Variants in STAM2 observed in about 807,000 individuals in gnomAD.
STAM2 encodes the protein signal transducing adaptor molecule 2, also known as signal transducing adapter molecule 2.
A neutral mutation model predicts 65.6 loss-of-function variants in STAM2; 51 were observed. The observed-to-expected ratio is 0.78, with a 90% confidence interval of 0.62 to 0.98. The LOEUF (loss-of-function observed/expected upper bound fraction) is 0.98, where lower values mean the gene tolerates loss of function less well. Among genes scored for constraint, STAM2 ranks in the 50% least tolerant of loss-of-function variants. The pLI, the probability that STAM2 is intolerant of heterozygous loss-of-function variation, is 0.00. For synonymous variants in STAM2, 198 were observed against 208.4 expected (o/e 0.95, Z 0.43); for missense variants, 584 against 617.8 (o/e 0.95, Z 0.58).
intron 1 of STAM2, among the ~76,000 whole-genome samples, chr2:152,162,345 GA>G (rs1202171336): frequency 6.6e-6 from 1 of 152,124 alleles, no homozygotes; most frequent in East Asian, 1.9e-4. Context: ...GCCAAGGCAG[GA>G]GGATCACTTG....
In STAM2 at chr2:152,149,850, T is replaced by G. The variant is rs1299164189; in HGVS notation, c.125+295A>C. Among the ~76,000 whole-genome samples the G allele has an allele frequency of 2.0e-5, 3 of 152,138 alleles. No homozygotes were observed. In the East Asian group the frequency reaches 5.8e-4, roughly 29 times the overall value. ...CCTCACCAATACCATAAACAGTAGA[T>G]GGACATATATTTTGTATATACATAA... On this transcript the variant is annotated intron_variant, in intron 2 of 13. Coordinates refer to ENST00000263904, the MANE Select transcript of STAM2 (RefSeq NM_005843.6).
intron 8 of STAM2, among the ~76,000 whole-genome samples, chr2:152,134,446 GTACTC>G (rs1029652554): frequency 2.6e-5 from 4 of 152,154 alleles, no homozygotes; most frequent in African/African-American, 4.8e-5. Context: ...TAATGGCAAA[GTACTC>G]TATATTCAAA....
intron 7 of STAM2, among the ~76,000 whole-genome samples, chr2:152,136,037 C>T (rs1394442353): frequency 1.3e-5 from 2 of 150,158 alleles, no homozygotes; most frequent in African/African-American, 2.5e-5. Context: ...TTGCAGTGAG[C>T]CAAGATGGCA....
chr2:152,136,218 G>A (rs1689151269), intron 7 of STAM2, among the ~76,000 whole-genome samples: 1 of 151,846 alleles, frequency 6.6e-6, no homozygotes, highest in African/African-American at 2.4e-5. Context: ...CGAGGCGAGT[G>A]GATCACCTGA....
chr2:152,126,286 G>A lies in STAM2; in HGVS notation c.1119C>T (p.Val373=), dbSNP rs771108878. 8 of 1,611,638 alleles carry A rather than the reference G, an allele frequency of 5.0e-6. No homozygotes were observed. In the East Asian group the frequency reaches 1.8e-4, roughly 36 times the overall value. The change falls in exon 12 of 14, where the codon GTC becomes GTT. Residue 373 remains valine (V), a synonymous_variant. Coordinates refer to ENST00000263904, the MANE Select transcript of STAM2 (RefSeq NM_005843.6). ...GTGCTGGAGGGTGGAGCTTTGAATA[G>A]ACTGAGTACACTGGTGCTTCATTCA... ...KLVNEAPVYS[V]YSKLHPPAHY... is the part of the protein sequence containing the mutation.
intron 11 of STAM2, 86 bp downstream of exon 11, chr2:152,132,028 C>A: frequency 1.0e-6 from 1 of 956,842 alleles, no homozygotes; most frequent in Non-Finnish European, 1.6e-6. Context: ...TACAGTTCCA[C>A]AAAAACTTTC....
Position 152,159,719 on chromosome 2 carries a change from CTCTCCCTCTCCCCACAG to C in STAM2, c.41-9507_41-9491del, listed in dbSNP as rs1689623647. Among the ~76,000 whole-genome samples, 3 of 151,992 alleles carry C rather than the reference CTCTCCCTCTCCCCACAG, an allele frequency of 2.0e-5. No individual in the cohort carries two copies. The South Asian group carries it at 6.2e-4, about 32-fold the overall frequency. ...AAAAGAACAGGATTGCTCCCTCTCC[CTCTCCCTCTCCCCACAG>C]TCTCCCTCTCCCTCTCTTTCCACGG... On this transcript the variant is annotated intron_variant, in intron 1 of 13. Transcript: ENST00000263904.
intron 1 of STAM2, among the ~76,000 whole-genome samples, chr2:152,158,167 A>G (rs1689587260): frequency 6.6e-6 from 1 of 152,228 alleles, no homozygotes; most frequent in Non-Finnish European, 1.5e-5. Context: ...GAAAAGTACA[A>G]TATCTCAATT....
intron 7 of STAM2, among the ~76,000 whole-genome samples, chr2:152,140,344 ACT>A (rs1432080853): frequency 1.3e-5 from 2 of 152,142 alleles, no homozygotes; most frequent in African/African-American, 4.8e-5. Flanking sequence ...CAAACAAAAA[ACT>A]CTGCACTCTG....
chr2:152,170,867 G>A (rs931959767), intron 1 of STAM2, among the ~76,000 whole-genome samples: 11 of 152,052 alleles, frequency 7.2e-5, no homozygotes, highest in South Asian at 6.2e-4. Context: ...ATGGTGGTGC[G>A]CACCTGTAAC....
At chr2:152,162,896 G>A (rs1254513046) in intron 1 of STAM2, among the ~76,000 whole-genome samples, 2 of 151,966 alleles carry the variant, frequency 1.3e-5, no homozygotes. Context: ...CTGACCTCAG[G>A]TGATCTGCCC....
At chr2:152,136,839 T>C (rs1253380017) in intron 7 of STAM2, among the ~76,000 whole-genome samples, 1 of 152,110 alleles carries the variant, frequency 6.6e-6, no homozygotes, top group Non-Finnish European at 1.5e-5. Context: ...ACAATTTCTC[T>C]GCGCTTATTC....
At chr2:152,165,961 G>A (rs968577817) in intron 1 of STAM2, among the ~76,000 whole-genome samples, 10 of 152,150 alleles carry the variant, frequency 6.6e-5, no homozygotes, top group Non-Finnish European at 1.2e-4. Context: ...CCAGCACTGC[G>A]GGAGGTCAAG....
At chr2:152,167,775 T>G (rs1382028080) in intron 1 of STAM2, among the ~76,000 whole-genome samples, 1 of 151,868 alleles carries the variant, frequency 6.6e-6, no homozygotes, top group East Asian at 1.9e-4. Context: ...CCAGGCATGG[T>G]GGTGGGTGCC....
chr2:152,131,770 G>T, intron 11 of STAM2: 1 of 249,154 alleles, frequency 4.0e-6, no homozygotes, highest in South Asian at 6.4e-5. Context: ...TCACTACAGT[G>T]GCAATGATGG....
At chr2:152,130,511 A>G (rs1442391563) in intron 11 of STAM2, among the ~76,000 whole-genome samples, 1 of 151,118 alleles carries the variant, frequency 6.6e-6, no homozygotes, top group African/African-American at 2.4e-5. Flanking sequence ...TCGGCCTCCC[A>G]AAGTGCTGGG....
rs561508420 is a variant in STAM2, at chr2:152,166,673, A to G, written c.40+8930T>C. 1.0e-4 allele frequency among the ~76,000 whole-genome samples: 15 copies of G among 148,232 alleles called. No individual in the cohort carries two copies. The East Asian group carries it at 1.4e-3, about 14-fold the overall frequency. The stretch of plus-strand genomic sequence containing the variant: ...GAACCTAATAAGGTATTAATGTTTG[A>G]AAAAAAAAAAGTTCTTCCCCTTCAA... On this transcript the variant is annotated intron_variant, in intron 1 of 13. Coordinates refer to ENST00000263904, the MANE Select transcript of STAM2 (RefSeq NM_005843.6).
chr2:152,166,773 C>CT (rs909618892), intron 1 of STAM2, among the ~76,000 whole-genome samples: 1 of 152,040 alleles, frequency 6.6e-6, no homozygotes, highest in African/African-American at 2.4e-5. Flanking sequence ...TTAAGCAGAT[C>CT]TTTTTTTAGA....
chr2:152,149,800 C>CT (rs1162346320), intron 2 of STAM2, among the ~76,000 whole-genome samples: 1 of 152,074 alleles, frequency 6.6e-6, no homozygotes, highest in Non-Finnish European at 1.5e-5. Flanking sequence ...GCCCAGCCAA[C>CT]TAACAGCCTA....
Sources: allele counts gnomAD v4.1 joint callset (sites outside exome capture counted in the v4.1 genomes callset), GRCh38; gene constraint gnomAD v4.1.1; transcripts MANE v1.5; gene names NCBI Gene and HGNC (gene_info 2026-07-23, HGNC 2026-07-21).